HHAT: variants seen among roughly 807,000 people sequenced by gnomAD.
The protein encoded by HHAT is protein-cysteine N-palmitoyltransferase HHAT.
HHAT carries 47 observed loss-of-function variants against 70.8 expected under a neutral mutation model. The ratio of observed to expected loss-of-function variants is 0.66; its 90% CI spans 0.53 to 0.85. HHAT has a LOEUF of 0.85. HHAT is among the 40% of genes least tolerant of loss of function. HHAT has a pLI of 0.00. For missense variants in HHAT, 609 were observed against 604.8 expected (o/e 1.01, Z -0.07); for synonymous variants, 228 against 247.6 (o/e 0.92, Z 0.74).
intron 8 of HHAT, among the ~76,000 whole-genome samples, chr1:210,509,750 C>T (rs761130402): frequency 4.6e-5 from 7 of 152,196 alleles, no homozygotes; most frequent in Non-Finnish European, 8.8e-5. Flanking sequence ...CCTTTACTCT[C>T]CACTAACCTC....
At position 210,386,238 on chromosome 1, in the gene HHAT, T is replaced by C. The variant is rs1304139732; in HGVS notation, c.160-1230T>C. On this transcript the variant is annotated intron_variant, in intron 3 of 11. Transcript: ENST00000261458. Reference sequence around the variant, plus strand: ...AGTCCTTTTCTTTTTTTCTTTTTTTTTTTTTTTTTTTTTTTTTTGAGACAG... The same window carrying C: ...AGTCCTTTTCTTTTTTTCTTTTTTTCTTTTTTTTTTTTTTTTTTGAGACAG... 7.4e-4 allele frequency among the ~76,000 whole-genome samples: 74 copies of C among 99,622 alleles called. 3 individuals carry two copies. The East Asian group carries it at 8.0e-3, about 11-fold the overall frequency. The allele number at this position is 99,622 out of a possible 152,430, so 65.4% of individuals were successfully genotyped here. A position where few individuals can be genotyped will look rare whatever the true frequency, so the allele number is the denominator to read the frequency against.
intron 11 of HHAT, among the ~76,000 whole-genome samples, chr1:210,669,389 G>A (rs985455202): frequency 1.5e-5 from 2 of 130,292 alleles, no homozygotes; most frequent in African/African-American, 5.0e-5. Flanking sequence ...CTCATTAGCT[G>A]TAGTTATTAT....
At chr1:210,550,020 A>C (rs973015639) in intron 9 of HHAT, among the ~76,000 whole-genome samples, 1 of 148,886 alleles carries the variant, frequency 6.7e-6, no homozygotes, top group Non-Finnish European at 1.5e-5. Context: ...CTTATCCACT[A>C]TCCTCCCCAG....
chr1:210,629,332 C>T (rs1670423414), intron 11 of HHAT, among the ~76,000 whole-genome samples: 1 of 152,196 alleles, frequency 6.6e-6, no homozygotes, highest in Non-Finnish European at 1.5e-5. Flanking sequence ...CAGAAGTGCA[C>T]CTGGGGTTGT....
chr1:210,564,644 A>G (rs1654199794), intron 9 of HHAT, among the ~76,000 whole-genome samples: 1 of 152,244 alleles, frequency 6.6e-6, no homozygotes, highest in South Asian at 2.1e-4. Context: ...AAAGGTAAGG[A>G]GTACAGTAGT....
intron 2 of HHAT, among the ~76,000 whole-genome samples, chr1:210,352,067 A>G (rs937737544): frequency 6.6e-6 from 1 of 152,210 alleles, no homozygotes; most frequent in Non-Finnish European, 1.5e-5. Context: ...TAATAGAAAT[A>G]ATAGAGCTGA....
At chr1:210,509,965 A>G (rs1159442609) in intron 8 of HHAT, among the ~76,000 whole-genome samples, 1 of 152,170 alleles carries the variant, frequency 6.6e-6, no homozygotes, top group African/African-American at 2.4e-5. Context: ...TCTATACAGA[A>G]TTGTCATTGG....
chr1:210,630,672 G>A (rs143236783), intron 11 of HHAT, among the ~76,000 whole-genome samples: 546 of 152,278 alleles, frequency 3.6e-3, no homozygotes, highest in African/African-American at 0.012. Flanking sequence ...TTCAGGTGGG[G>A]CACACCCCGT....
chr1:210,553,019 C>T (rs2148687576), intron 9 of HHAT, among the ~76,000 whole-genome samples: 1 of 152,246 alleles, frequency 6.6e-6, no homozygotes, highest in South Asian at 2.1e-4. Context: ...GTCTTTATTC[C>T]CCCATTCAGG....
intron 11 of HHAT, among the ~76,000 whole-genome samples, chr1:210,658,821 T>C (rs906960029): frequency 3.9e-5 from 6 of 152,130 alleles, no homozygotes; most frequent in Non-Finnish European, 7.4e-5. Flanking sequence ...ACTGAACAAC[T>C]TGCTCCCGAA....
chr1:210,464,618 T>G lies in HHAT; in HGVS notation c.970T>G (p.Cys324Gly). The G allele has an allele frequency of 5.6e-6, 9 of 1,614,142 alleles. No individual in the cohort carries two copies. Among genetic ancestry groups the G allele is most frequent in the Non-Finnish European group, 7.6e-6 (9 of 1,179,976 alleles). Reference sequence around the variant, plus strand: ...ACTCACTCCACCCGCCCTCCCCCGCTGCGTGAGCACCATGTTCAGTTTCAC... The same window carrying G: ...ACTCACTCCACCCGCCCTCCCCCGCGGCGTGAGCACCATGTTCAGTTTCAC... The part of the protein sequence containing the change: ...DGLTPPALPR[C>G]VSTMFSFTGM... The change falls in exon 8 of 12, where the codon TGC (cysteine) becomes GGC (glycine). Residue 324 changes from cysteine to glycine, a missense_variant. Coordinates refer to ENST00000261458, the MANE Select transcript of HHAT (RefSeq NM_018194.6).
intron 9 of HHAT, among the ~76,000 whole-genome samples, chr1:210,586,748 A>T (rs544893167): frequency 6.6e-6 from 1 of 152,304 alleles, no homozygotes; most frequent in Non-Finnish European, 1.5e-5. Context: ...ATAAAGGCCT[A>T]TGGGCTTTTT....
chr1:210,514,257 G>A (rs2095013901), intron 9 of HHAT, among the ~76,000 whole-genome samples: 1 of 152,076 alleles, frequency 6.6e-6, no homozygotes, highest in South Asian at 2.1e-4. Flanking sequence ...AATCTCCTCG[G>A]CCTCCCCCAT....
At chr1:210,484,309 A>G (rs1174846704) in intron 8 of HHAT, among the ~76,000 whole-genome samples, 1 of 152,112 alleles carries the variant, frequency 6.6e-6, no homozygotes, top group Non-Finnish European at 1.5e-5. Flanking sequence ...CATAATTTTG[A>G]AGTATCCTAA....
intron 4 of HHAT, among the ~76,000 whole-genome samples, chr1:210,392,323 G>A (rs2091511710): frequency 1.3e-5 from 2 of 152,038 alleles, no homozygotes; most frequent in African/African-American, 2.4e-5. Context: ...CCTCTGATGG[G>A]TCTCCTTTGC....
intron 9 of HHAT, among the ~76,000 whole-genome samples, chr1:210,552,444 A>G (rs542096786): frequency 1.3e-5 from 2 of 152,236 alleles, no homozygotes; most frequent in African/African-American, 4.8e-5. Flanking sequence ...GGACTTGGAG[A>G]TGGAAATTTG....
intron 2 of HHAT, among the ~76,000 whole-genome samples, chr1:210,357,846 C>T (rs1250274339): frequency 1.3e-5 from 2 of 152,068 alleles, no homozygotes; most frequent in African/African-American, 2.4e-5. Context: ...TAAAATTTAG[C>T]CATTTCTTAG....
intron 9 of HHAT, among the ~76,000 whole-genome samples, chr1:210,580,063 A>G (rs993015582): frequency 1.3e-5 from 2 of 152,246 alleles, no homozygotes; most frequent in Non-Finnish European, 2.9e-5. Flanking sequence ...TCTGTTTTAT[A>G]AACCCTACAA....
chr1:210,503,744 A>T (rs1354287641), intron 8 of HHAT, among the ~76,000 whole-genome samples: 1 of 151,824 alleles, frequency 6.6e-6, no homozygotes, highest in African/African-American at 2.4e-5. Context: ...CATTTCCCCC[A>T]CTCAATGAAG....
Sources: gnomAD v4.1 joint callset for allele counts (sites outside exome capture counted in the v4.1 genomes callset) on GRCh38, gnomAD v4.1.1 for gene constraint, MANE v1.5 for transcripts, NCBI Gene and HGNC (gene_info 2026-07-23, HGNC 2026-07-21) for gene names.